SPTB: variants seen among roughly 807,000 people sequenced by gnomAD.
SPTB encodes spectrin beta chain, erythrocytic.
SPTB carries 45 observed loss-of-function variants against 256.2 expected under a neutral mutation model. The observed-to-expected ratio is 0.18, with a 90% CI of 0.14 to 0.23. SPTB has a LOEUF of 0.23. Ranked by LOEUF, SPTB falls within the 10% of genes least tolerant of loss-of-function variation. The pLI is 1.00. For synonymous variants in SPTB, 1,231 were observed against 1,243.1 expected, an observed-to-expected ratio of 0.99 and a Z score of 0.21; for missense variants, 2,715 against 3,040.4, an observed-to-expected ratio of 0.89 and a Z score of 2.52.
chr14:64,801,153 C>T, intron 7 of SPTB, 132 bp downstream of exon 7: 1 of 755,976 alleles, frequency 1.3e-6, no homozygotes, highest in East Asian at 2.7e-5. Flanking sequence ...CTGGCCACTG[C>T]CCCTCACTGT....
rs1264346539 is a variant in SPTB at position 64,816,794 on chromosome 14, C to T, written c.148+6153G>A. 6.6e-6 allele frequency among the ~76,000 whole-genome samples: 1 copy of T among 152,272 alleles called. No homozygotes were observed. The highest frequency in any genetic ancestry group is 1.9e-4 in the East Asian group (1 of 5,168). On this transcript the variant is annotated intron_variant, in intron 2 of 35. Coordinates refer to ENST00000644917, the MANE Select transcript of SPTB (RefSeq NM_001355436.2). This position sits in a 1 kb window ranked among gnomAD's most constrained non-coding sequence, Gnocchi z 4.2. ...CTACAGATGCTCTGAAAACACCACC[C>T]TTGGCACCTCCTCAGCCAAGAAGCA...
rs371814195 is a variant in SPTB, at chr14:64,749,480, G to C, written c.6820-7C>G. The C allele has an allele frequency of 1.9e-6, 3 of 1,599,538 alleles. No homozygotes were observed. The highest frequency in any genetic ancestry group is 1.7e-6 in the Non-Finnish European group (2 of 1,178,050). The stretch of plus-strand genomic sequence containing the variant: ...GCCAGGACAGCATCTCCTCCTGCGG[G>C]GCGGAGGGTCACGGTGGAGTCTGGA... On this transcript the variant is annotated splice_polypyrimidine_tract_variant and splice_region_variant and intron_variant, in intron 35 of 35. Transcript: ENST00000644917. This position sits in a 1 kb window ranked among gnomAD's most constrained non-coding sequence, Gnocchi z 4.7.
intron 1 of SPTB, among the ~76,000 whole-genome samples, chr14:64,831,664 C>T (rs905955600): frequency 6.6e-6 from 1 of 152,182 alleles, no homozygotes; most frequent in Non-Finnish European, 1.5e-5. Flanking sequence ...TCTGCTCACA[C>T]GGGCCTAGAA....
rs1355294850 is a variant in SPTB, at chr14:64,796,641, C to T, written c.1257G>A (p.Lys419=). Residue 419 remains lysine, a synonymous_variant, in exon 11 of 36, where the codon AAG becomes AAA. Transcript: ENST00000644917. The surrounding 1 kb of genome is among the most constrained non-coding windows in gnomAD (Gnocchi z 4.1). ...ALRNELIRQE[K]LEQLARRFDR... ...CAAAGCGCCGGGCCAGTTGCTCTAG[C>T]TTCTCCTGCCGAATGAGCTCATTTC... The T allele has an allele frequency of 3.7e-6, 6 of 1,614,260 alleles. No homozygotes were observed. Among genetic ancestry groups the T allele is most frequent in the Non-Finnish European group, 5.1e-6 (6 of 1,180,048 alleles).
Position 64,799,842 on chromosome 14 carries a change from A to T in SPTB, c.969T>A (p.Thr323=). Residue 323 remains threonine (T), a synonymous_variant, in exon 9 of 36, where the codon ACT becomes ACA. Coordinates refer to ENST00000644917, the MANE Select transcript of SPTB (RefSeq NM_001355436.2). ...TGGCAAACTTGCGGCTGTTCAGGAC[A>T]GTGATGGTCTGCTCGATCCAGGTGA... The part of the protein sequence containing the change: ...DLLTWIEQTI[T]VLNSRKFANS... 6.2e-7 allele frequency: 1 copy of T among 1,614,270 alleles called. No homozygotes were observed. The highest frequency in any genetic ancestry group is 1.3e-5 in the African/African-American group (1 of 75,076).
Position 64,748,021 on chromosome 14 carries a change from TTGACCTC to T in SPTB, c.*1278_*1284del, listed in dbSNP as rs1322923650. Reference sequence around the variant, plus strand: ...CTCAGGGCTGGAGGGTGGTAGATATTTGACCTCTGTACTCATGTGACCCCCTCCCCGC... The same window carrying T: ...CTCAGGGCTGGAGGGTGGTAGATATTTGTACTCATGTGACCCCCTCCCCGC... On this transcript the variant is annotated 3_prime_UTR_variant, in exon 36 of 36. Transcript: ENST00000644917. 1 of 152,008 alleles carries T rather than the reference TTGACCTC, an allele frequency of 6.6e-6. No individual in the cohort carries two copies. Among genetic ancestry groups the T allele is most frequent in the Admixed American group, 6.6e-5 (1 of 15,264 alleles). The allele number at this position is 152,008 out of a possible 1,614,324, so 9.4% of individuals were successfully genotyped here. A position where few individuals can be genotyped will look rare whatever the true frequency, so the allele number is the denominator to read the frequency against.
chr14:64,867,151 G>C (rs1882233704), intron 1 of SPTB, among the ~76,000 whole-genome samples: 2 of 152,192 alleles, frequency 1.3e-5, no homozygotes, highest in African/African-American at 4.8e-5. Context: ...CTCCACTCAA[G>C]TCTAAAGCAA....
intron 10 of SPTB, 33 bp downstream of exon 10, chr14:64,797,696 A>G (rs1462888579): frequency 6.8e-7 from 1 of 1,473,884 alleles, no homozygotes; most frequent in Non-Finnish European, 9.5e-7. Context: ...CAATCAATCT[A>G]CTGTCAATGC....
intron 30 of SPTB, 43 bp from the exon 31 acceptor site, chr14:64,767,395 C>T (rs780738299): frequency 9.3e-6 from 15 of 1,612,772 alleles, no homozygotes; most frequent in Admixed American, 1.7e-5. Context: ...GCCACAGAGG[C>T]GAGTTGTGTT....
chr14:64,791,562 T>C (rs1184608509), intron 15 of SPTB, among the ~76,000 whole-genome samples, 157 bp downstream of exon 15: 2 of 109,834 alleles, frequency 1.8e-5, no homozygotes, highest in African/African-American at 4.2e-5. Flanking sequence ...TGAGGTTCTG[T>C]GTCAAAAAAA....
chr14:64,821,428 A>C (rs536050967), intron 2 of SPTB, among the ~76,000 whole-genome samples: 65 of 152,320 alleles, frequency 4.3e-4, no homozygotes, highest in Admixed American at 1.4e-3. Context: ...AAAAGATAAA[A>C]GAATCTCTGC....
intron 33 of SPTB, among the ~76,000 whole-genome samples, chr14:64,751,081 C>T (rs1566731324): frequency 2.1e-5 from 3 of 144,160 alleles, no homozygotes; most frequent in African/African-American, 5.1e-5. Flanking sequence ...TAGTATATAA[C>T]ATTTATATAT....
intron 2 of SPTB, among the ~76,000 whole-genome samples, chr14:64,813,217 A>G (rs943690141): frequency 1.3e-5 from 2 of 152,224 alleles, no homozygotes; most frequent in African/African-American, 4.8e-5. Context: ...ATAAAGAAAA[A>G]TAGGATATGA....
At chr14:64,834,794 A>C (rs957309588) in intron 1 of SPTB, among the ~76,000 whole-genome samples, 6 of 91,118 alleles carry the variant, frequency 6.6e-5, no homozygotes, top group Admixed American at 4.0e-4. Context: ...TTCCTCACCC[A>C]AAAAAATTGA....
At chr14:64,769,562 C>T (rs1471831819) in intron 28 of SPTB, 28 bp downstream of exon 28, 2 of 1,612,626 alleles carry the variant, frequency 1.2e-6, no homozygotes, top group African/African-American at 1.3e-5. Context: ...GACGGAGGAG[C>T]TCGCCTCCAT....
chr14:64,818,426 G>A (rs2083230443), intron 2 of SPTB, among the ~76,000 whole-genome samples: 2 of 152,160 alleles, frequency 1.3e-5, no homozygotes. Context: ...GGAGGGAAGA[G>A]AGAAAGGGGA....
intron 1 of SPTB, among the ~76,000 whole-genome samples, chr14:64,860,783 G>C (rs2083954282): frequency 6.6e-6 from 1 of 152,192 alleles, no homozygotes; most frequent in African/African-American, 2.4e-5. Context: ...ATGTAAATTA[G>C]TTCAACCATT....
intron 1 of SPTB, among the ~76,000 whole-genome samples, chr14:64,839,593 T>C (rs2083574705): frequency 6.6e-6 from 1 of 152,158 alleles, no homozygotes; most frequent in Admixed American, 6.5e-5. Flanking sequence ...AAAAGCAACA[T>C]ATTAAAACTA....
At chr14:64,872,461 C>T (rs918293888) in intron 1 of SPTB, among the ~76,000 whole-genome samples, 2 of 152,196 alleles carry the variant, frequency 1.3e-5, no homozygotes, top group African/African-American at 2.4e-5. Context: ...CAAATCCCAA[C>T]AAGTCACTCC....
Sources: allele counts gnomAD v4.1 joint callset (sites outside exome capture counted in the v4.1 genomes callset), GRCh38; gene constraint gnomAD v4.1.1; non-coding constraint Gnocchi (gnomAD v3.1); transcripts MANE v1.5; gene names NCBI Gene and HGNC (gene_info 2026-07-23, HGNC 2026-07-21).